Variants in DGCR2 observed in about 807,000 individuals in gnomAD.
The protein encoded by DGCR2 is DiGeorge syndrome critical region gene 2.
DGCR2 carries 24 observed loss-of-function variants against 51.6 expected under a neutral mutation model. The observed-to-expected ratio is 0.47, with a 90% CI of 0.34 to 0.65. DGCR2 has a LOEUF of 0.65. Ranked by LOEUF, DGCR2 falls within the 30% of genes least tolerant of loss-of-function variation. DGCR2 has a pLI of 0.01. For synonymous variants in DGCR2, 340 were observed against 315.4 expected, an observed-to-expected ratio of 1.08 and a Z score of -0.82; for missense variants, 765 against 772.1, an observed-to-expected ratio of 0.99 and a Z score of 0.11.
chr22:19,054,178 A>T (rs200896202), intron 6 of DGCR2, among the ~76,000 whole-genome samples: 2 of 152,244 alleles, frequency 1.3e-5, no homozygotes, highest in East Asian at 3.8e-4. Flanking sequence ...TTTGATCCAT[A>T]TAGTGTGGGT....
intron 1 of DGCR2, among the ~76,000 whole-genome samples, chr22:19,117,844 A>C (rs1202019905): frequency 6.6e-6 from 1 of 152,150 alleles, no homozygotes; most frequent in Non-Finnish European, 1.5e-5. Flanking sequence ...TTTCCAACTA[A>C]AAAAAATGAA....
intron 5 of DGCR2, among the ~76,000 whole-genome samples, chr22:19,059,263 A>G (rs1430547474): frequency 6.6e-6 from 1 of 152,150 alleles, no homozygotes. Flanking sequence ...CCAGGAGACC[A>G]GACAGAGGCC....
intron 5 of DGCR2, among the ~76,000 whole-genome samples, chr22:19,062,782 C>CATA (rs746311945): frequency 7.4e-6 from 1 of 135,362 alleles, no homozygotes; most frequent in Non-Finnish European, 1.6e-5. Context: ...CATGCTCACT[C>CATA]TCTCTCTCTC....
intron 6 of DGCR2, among the ~76,000 whole-genome samples, 155 bp from the exon 7 acceptor site, chr22:19,048,798 T>C (rs1040304303): frequency 6.6e-6 from 1 of 152,186 alleles, no homozygotes; most frequent in Non-Finnish European, 1.5e-5. Flanking sequence ...GGAGGGGGCA[T>C]GTGAGACATG....
At chr22:19,082,910 G>A (rs1175823191) in intron 2 of DGCR2, among the ~76,000 whole-genome samples, 2 of 152,128 alleles carry the variant, frequency 1.3e-5, no homozygotes, top group East Asian at 1.9e-4. Flanking sequence ...GCAACGTGGC[G>A]AAACACCGAT....
chr22:19,083,116 C>A (rs2082959881), intron 2 of DGCR2, among the ~76,000 whole-genome samples: 1 of 151,870 alleles, frequency 6.6e-6, no homozygotes, highest in African/African-American at 2.4e-5. Context: ...AAGAAAAAGG[C>A]ACACTTCCCT....
chr22:19,063,249 G>A lies in DGCR2; in HGVS notation c.578C>T (p.Thr193Ile). The change falls in exon 5 of 10, where the codon ACT becomes ATT. Residue 193 changes from threonine (T) to isoleucine (I), a missense_variant. This residue lies in a region of DGCR2 where 370 missense variants were observed against 325.5 expected (regional missense o/e 1.14). Coordinates refer to ENST00000263196, the MANE Select transcript of DGCR2 (RefSeq NM_005137.3). The stretch of plus-strand genomic sequence containing the variant: ...ACCTTCCAAGGAGCGGTTCCGGCCA[G>A]TGATAACATACTGATAGCCAACCCA... ...KLWVGYQYVITGRNRSLEGRW... is the reference protein window; with the variant it reads ...KLWVGYQYVIIGRNRSLEGRW... 1 of 1,614,230 alleles carries A rather than the reference G, an allele frequency of 6.2e-7. No individual in the cohort carries two copies. Among genetic ancestry groups the A allele is most frequent in the Non-Finnish European group, 8.5e-7 (1 of 1,180,042 alleles).
intron 1 of DGCR2, among the ~76,000 whole-genome samples, chr22:19,104,846 C>T (rs894113836): frequency 6.6e-6 from 1 of 152,222 alleles, no homozygotes; most frequent in Non-Finnish European, 1.5e-5. Context: ...ATACAAGTTG[C>T]TACTAGGAAA....
intron 1 of DGCR2, among the ~76,000 whole-genome samples, chr22:19,120,457 G>A (rs756902004): frequency 6.6e-5 from 10 of 152,202 alleles, no homozygotes; most frequent in Admixed American, 3.9e-4. Flanking sequence ...AAAAGGAGGG[G>A]CTTGTTCTTG....
At chr22:19,051,361 A>G (rs546740785) in intron 6 of DGCR2, among the ~76,000 whole-genome samples, 5 of 152,316 alleles carry the variant, frequency 3.3e-5, no homozygotes, top group Non-Finnish European at 5.9e-5. Context: ...CAAGCTACAG[A>G]CTAGAAAAAA....
intron 2 of DGCR2, among the ~76,000 whole-genome samples, chr22:19,086,069 AT>A (rs1388860013): frequency 6.6e-6 from 1 of 152,196 alleles, no homozygotes; most frequent in Non-Finnish European, 1.5e-5. Context: ...TAGAAAAAAA[AT>A]CACAAGATTT....
At chr22:19,082,044 T>A (rs1411291409) in intron 2 of DGCR2, among the ~76,000 whole-genome samples, 2 of 146,548 alleles carry the variant, frequency 1.4e-5, no homozygotes, top group Admixed American at 7.0e-5. Flanking sequence ...TCTTTACTGG[T>A]GTTTTTTGGG....
chr22:19,102,856 A>T (rs1369212587), intron 1 of DGCR2, among the ~76,000 whole-genome samples: 1 of 151,562 alleles, frequency 6.6e-6, no homozygotes, highest in Non-Finnish European at 1.5e-5. Flanking sequence ...AAATAGAAAA[A>T]TTTGCCAGAC....
chr22:19,041,863 A>G lies in DGCR2; in HGVS notation c.1103T>C (p.Val368Ala). The G allele has an allele frequency of 6.2e-7, 1 of 1,613,388 alleles. No individual in the cohort carries two copies. Among genetic ancestry groups the G allele is most frequent in the East Asian group, 2.2e-5 (1 of 44,862 alleles). ...CCGGCGCCGCTGGCGCAGCCGGTGGACCATGAAGAGCAGCAGTGACAGGAT... is the reference window on the plus strand; with the variant it reads ...CCGGCGCCGCTGGCGCAGCCGGTGGGCCATGAAGAGCAGCAGTGACAGGAT... ...FLILSLLLFMVHRLRQRRRER... is the reference protein window; with the variant it reads ...FLILSLLLFMAHRLRQRRRER... Residue 368 changes from valine (V) to alanine (A), a missense_variant, in exon 8 of 10, where the codon GTC becomes GCC. By Grantham distance (64) the Val-to-Ala change is moderately conservative (BLOSUM62 0). Transcript: ENST00000263196.
At chr22:19,051,576 CT>C (rs773851567) in intron 6 of DGCR2, among the ~76,000 whole-genome samples, 2 of 152,086 alleles carry the variant, frequency 1.3e-5, no homozygotes, top group African/African-American at 2.4e-5. Context: ...AAATAAAAAA[CT>C]TAGCCAGGCA....
intron 9 of DGCR2, among the ~76,000 whole-genome samples, chr22:19,039,402 GGT>G (rs1367361707): frequency 2.6e-5 from 4 of 152,190 alleles, no homozygotes; most frequent in African/African-American, 7.2e-5. Flanking sequence ...TCCCACCATC[GGT>G]GTGAGGTAGG....
chr22:19,107,517 T>C (rs1357568158), intron 1 of DGCR2, among the ~76,000 whole-genome samples: 2 of 152,184 alleles, frequency 1.3e-5, no homozygotes, highest in Non-Finnish European at 2.9e-5. Context: ...AAACACTGGC[T>C]CAGCTGCTCT....
At chr22:19,101,737 TAAAAAAAAA>T (rs764584649) in intron 1 of DGCR2, among the ~76,000 whole-genome samples, 1 of 111,018 alleles carries the variant, frequency 9.0e-6, no homozygotes, top group Non-Finnish European at 1.8e-5. Flanking sequence ...GCAAAACTGT[TAAAAAAAAA>T]AAAAAAAAAA....
chr22:19,040,312 G>A (rs1285591829), intron 9 of DGCR2, among the ~76,000 whole-genome samples: 1 of 152,228 alleles, frequency 6.6e-6, no homozygotes, highest in Non-Finnish European at 1.5e-5. Context: ...AGACCTTTAG[G>A]CACAGCAGCC....
Sources: allele counts gnomAD v4.1 joint callset (sites outside exome capture counted in the v4.1 genomes callset), GRCh38; gene constraint gnomAD v4.1.1; regional missense constraint gnomAD v4.1.1; transcripts MANE v1.5; gene names NCBI Gene and HGNC (gene_info 2026-07-23, HGNC 2026-07-21).